The following ENTPD7 variants were observed in gnomAD, a reference collection of about 807,000 sequenced individuals.
The protein encoded by ENTPD7 is ectonucleoside triphosphate diphosphohydrolase 7, also known as NTPDase 7.
A neutral mutation model predicts 77.9 loss-of-function variants in ENTPD7; 53 were observed. That is an observed-to-expected ratio of 0.68 (90% confidence interval 0.55 to 0.85). The LOEUF is 0.85. Among genes scored for constraint, ENTPD7 ranks in the 40% least tolerant of loss-of-function variants. The pLI, the probability that ENTPD7 is intolerant of heterozygous loss-of-function variation, is 0.00. For missense variants in ENTPD7, 636 were observed against 743.7 expected (o/e 0.86, Z 1.68); for synonymous variants, 248 against 274.9 (o/e 0.90, Z 0.97).
chr10:99,699,246 G>C (rs1389338516), intron 10 of ENTPD7, among the ~76,000 whole-genome samples: 1 of 152,174 alleles, frequency 6.6e-6, no homozygotes, highest in Non-Finnish European at 1.5e-5. Flanking sequence ...TTTTGGAGAT[G>C]ATATCACCCA....
At chr10:99,671,846 T>A (rs2035621840) in intron 3 of ENTPD7, among the ~76,000 whole-genome samples, 1 of 152,236 alleles carries the variant, frequency 6.6e-6, no homozygotes, top group Non-Finnish European at 1.5e-5. Flanking sequence ...CATCTGGAAA[T>A]AACTGAATGA....
intron 7 of ENTPD7, among the ~76,000 whole-genome samples, chr10:99,690,908 G>A (rs1020095157): frequency 2.0e-5 from 3 of 152,148 alleles, no homozygotes; most frequent in Admixed American, 6.5e-5. Flanking sequence ...CTAGGGATAC[G>A]TAGTCAAAAT....
intron 5 of ENTPD7, among the ~76,000 whole-genome samples, chr10:99,680,143 G>A (rs1350428795): frequency 1.3e-5 from 2 of 152,176 alleles, no homozygotes; most frequent in African/African-American, 4.8e-5. Context: ...CATAATTACA[G>A]AATAAATTAG....
rs1201603586 is a variant in ENTPD7, at chr10:99,709,103, A to G, written c.*4420A>G. 3 of 981,756 alleles carry G rather than the reference A, an allele frequency of 3.1e-6. No homozygotes were observed. The African/African-American group carries it at 5.3e-5, about 17-fold the overall frequency. The allele number at this position is 981,756 out of a possible 1,614,324, so 60.8% of individuals were successfully genotyped here. ...TTATACATCTTTTTAAAACAATTTT[A>G]TACAATTTCCTTTACTACAACATCC... is the stretch of plus-strand genomic sequence containing the variant. On this transcript the variant is annotated 3_prime_UTR_variant, in exon 13 of 13. Transcript: ENST00000370489.
At chr10:99,703,558 A>G (rs888875150) in intron 12 of ENTPD7, among the ~76,000 whole-genome samples, 2 of 152,212 alleles carry the variant, frequency 1.3e-5, no homozygotes, top group Admixed American at 6.5e-5. Context: ...ACAAAACTAG[A>G]TCTGGATCTG....
At chr10:99,699,719 C>G (rs890792064) in intron 10 of ENTPD7, among the ~76,000 whole-genome samples, 1 of 152,144 alleles carries the variant, frequency 6.6e-6, no homozygotes, top group Non-Finnish European at 1.5e-5. Context: ...TGCCCACCAC[C>G]ATGCCTGGCT....
At chr10:99,660,030 C>T in intron 2 of ENTPD7, 66 bp downstream of exon 2, 1 of 1,611,716 alleles carries the variant, frequency 6.2e-7, no homozygotes, top group Admixed American at 1.7e-5. Flanking sequence ...TTGGGGGGCC[C>T]TGGGAGGCTG....
intron 3 of ENTPD7, among the ~76,000 whole-genome samples, chr10:99,670,585 G>T (rs1436889507): frequency 6.6e-6 from 1 of 152,176 alleles, no homozygotes; most frequent in African/African-American, 2.4e-5. Context: ...AGGCTGTGTG[G>T]TGTATACGCT....
chr10:99,659,734 T>A lies in ENTPD7; in HGVS notation c.-95-128T>A. The A allele has an allele frequency of 3.8e-6, 2 of 527,246 alleles. No individual in the cohort carries two copies. The highest frequency in any genetic ancestry group is 6.6e-6 in the Non-Finnish European group (2 of 302,492). The allele number at this position is 527,246 out of a possible 1,614,324, so 32.7% of individuals were successfully genotyped here. On this transcript the variant is annotated intron_variant, in intron 1 of 12. Coordinates refer to ENST00000370489, the MANE Select transcript of ENTPD7 (RefSeq NM_020354.5). The surrounding 1 kb of genome is among the most constrained non-coding windows in gnomAD (Gnocchi z 4.1). ...CCGCTCCCAGGATGCCCGGGTAGGG[T>A]CCCCTGGGCCTGAGGAACCAGAGCA...
At chr10:99,684,840 GTT>G (rs892727049) in intron 5 of ENTPD7, among the ~76,000 whole-genome samples, 11 of 152,054 alleles carry the variant, frequency 7.2e-5, no homozygotes, top group Admixed American at 7.2e-4. Flanking sequence ...AGTTTCAAGT[GTT>G]TTCCCCAAAT....
intron 6 of ENTPD7, among the ~76,000 whole-genome samples, chr10:99,687,254 TC>T: frequency 4.4e-5 from 1 of 22,606 alleles, no homozygotes; most frequent in African/African-American, 1.3e-4. Context: ...TTTCTTTCTT[TC>T]TTTCTTTTTT....
chr10:99,684,916 TC>T lies in ENTPD7; in HGVS notation c.549-875del, dbSNP rs2035793681. ...CTAGGGTTTTCAAATGGTAAGATTT[TC>T]ACAATGAAAAAAAAATCAACCCTTG... On this transcript the variant is annotated intron_variant, in intron 5 of 12. Coordinates refer to ENST00000370489, the MANE Select transcript of ENTPD7 (RefSeq NM_020354.5). Among the ~76,000 whole-genome samples the T allele has an allele frequency of 2.6e-5, 4 of 152,100 alleles. 1 individual carries two copies. Among genetic ancestry groups the T allele is most frequent in the African/African-American group, 9.7e-5 (4 of 41,410 alleles).
intron 3 of ENTPD7, among the ~76,000 whole-genome samples, chr10:99,665,502 G>A (rs1042347594): frequency 1.3e-5 from 2 of 151,856 alleles, no homozygotes; most frequent in African/African-American, 2.4e-5. Flanking sequence ...ATTCACTTTG[G>A]TCATTCATTC....
At chr10:99,666,972 G>A (rs573243084) in intron 3 of ENTPD7, among the ~76,000 whole-genome samples, 6 of 152,358 alleles carry the variant, frequency 3.9e-5, no homozygotes, top group African/African-American at 1.4e-4. Context: ...GGTTGTGGTT[G>A]CAAGAGGATG....
At chr10:99,660,376 C>A in intron 2 of ENTPD7, 1 of 1,164,052 alleles carries the variant, frequency 8.6e-7, no homozygotes, top group East Asian at 6.5e-5. Context: ...ATACACTTAT[C>A]CATACATTAT....
intron 12 of ENTPD7, 33 bp downstream of exon 12, chr10:99,702,706 G>C: frequency 6.4e-7 from 1 of 1,559,852 alleles, no homozygotes. Flanking sequence ...GGTATCTTGA[G>C]CTCAGAGGAT....
At chr10:99,665,087 C>T (rs1277626566) in intron 3 of ENTPD7, among the ~76,000 whole-genome samples, 1 of 151,690 alleles carries the variant, frequency 6.6e-6, no homozygotes, top group East Asian at 2.0e-4. Flanking sequence ...TCTGTCTCTA[C>T]AAAAAAATAT....
chr10:99,701,126 G>A lies in ENTPD7; in HGVS notation c.1421+68G>A. 3.2e-6 allele frequency: 4 copies of A among 1,264,390 alleles called. No homozygotes were observed. In the South Asian group the frequency reaches 4.9e-5, roughly 15 times the overall value. The allele number at this position is 1,264,390 out of a possible 1,614,324, so 78.3% of individuals were successfully genotyped here. On this transcript the variant is annotated intron_variant, in intron 11 of 12. Transcript: ENST00000370489. ...TAGATGGCAGATTATAATGGAGAGT[G>A]AGCAATAATGCAGATTAGATTTCAT...
rs1032120450 is a variant in ENTPD7 at position 99,705,120 on chromosome 10, C to T, written c.*437C>T. The T allele has an allele frequency of 4.5e-5, 8 of 178,812 alleles. No individual in the cohort carries two copies. The East Asian group carries it at 1.1e-3, about 24-fold the overall frequency. The allele number at this position is 178,812 out of a possible 1,614,324, so 11.1% of individuals were successfully genotyped here. ...GCAGCAGCCCCTTCTTTCTCTGTAA[C>T]AGAGATATCATTTATGTGGAGATCC... On this transcript the variant is annotated 3_prime_UTR_variant, in exon 13 of 13. Transcript: ENST00000370489.
Sources: gnomAD v4.1 joint callset for allele counts (sites outside exome capture counted in the v4.1 genomes callset) on GRCh38, gnomAD v4.1.1 for gene constraint, Gnocchi (gnomAD v3.1) non-coding constraint, MANE v1.5 for transcripts, NCBI Gene and HGNC (gene_info 2026-07-23, HGNC 2026-07-21) for gene names.